Variants in COQ8A observed in about 807,000 individuals in gnomAD.
COQ8A encodes the protein atypical kinase COQ8A, mitochondrial.
COQ8A carries 51 observed loss-of-function variants against 65.0 expected under a neutral mutation model. The observed-to-expected ratio is 0.78, with a 90% CI of 0.63 to 0.99. The LOEUF is 0.99. Ranked by LOEUF, COQ8A falls within the 50% of genes least tolerant of loss-of-function variation. COQ8A has a pLI of 0.00. For missense variants in COQ8A, 940 were observed against 875.0 expected (o/e 1.07, Z -0.94); for synonymous variants, 371 against 353.2 (o/e 1.05, Z -0.57).
intron 1 of COQ8A, among the ~76,000 whole-genome samples, chr1:226,957,080 C>T (rs1301906926): frequency 6.8e-6 from 1 of 147,334 alleles, no homozygotes; most frequent in Non-Finnish European, 1.5e-5. Context: ...TCCCTGGCTG[C>T]CACTCCCTGG....
Position 226,982,750 on chromosome 1 carries a change from T to C in COQ8A, c.926T>C (p.Leu309Pro). 1.9e-6 allele frequency: 3 copies of C among 1,613,656 alleles called. No homozygotes were observed. The highest frequency in any genetic ancestry group is 2.5e-6 in the Non-Finnish European group (3 of 1,180,012). The change falls in exon 7 of 15, where the codon CTG becomes CCG. Residue 309 changes from leucine to proline, a missense_variant. Leu to Pro is a moderately conservative substitution (Grantham distance 98). Transcript: ENST00000366777. ...CGGCAGAGCGCGGACTTCATGCCAC[T>C]GAAGCAGATGATGGTGAGGAGCCAG... ...RVRQSADFMP[L>P]KQMMKTLNND...
chr1:226,985,043 T>C, intron 13 of COQ8A, 102 bp downstream of exon 13: 4 of 1,443,450 alleles, frequency 2.8e-6, no homozygotes, highest in Non-Finnish European at 3.8e-6. Context: ...CCTGCCCTTG[T>C]GTCCCCATCT....
chr1:226,964,837 C>T (rs947537358), intron 2 of COQ8A, among the ~76,000 whole-genome samples, 163 bp from the exon 3 acceptor site: 4 of 152,202 alleles, frequency 2.6e-5, no homozygotes, highest in Non-Finnish European at 5.9e-5. Context: ...TCCCGGCTCC[C>T]AGGCTGGGAA....
rs533054670 is a variant in COQ8A at position 226,954,740 on chromosome 1, A to C, written c.-9-6637A>C. On this transcript the variant is annotated intron_variant, in intron 1 of 14. Transcript: ENST00000366777. ...GCAAATATTAATGACCTGTCTGCTC[A>C]ATCCTGAGCATGGTGTTCGGTGCTG... 5.9e-5 allele frequency among the ~76,000 whole-genome samples: 9 copies of C among 152,354 alleles called. No individual in the cohort carries two copies. The South Asian group carries it at 1.0e-3, about 18-fold the overall frequency.
intron 1 of COQ8A, among the ~76,000 whole-genome samples, chr1:226,956,016 A>G (rs1572029922): frequency 1.2e-5 from 1 of 83,588 alleles, no homozygotes; most frequent in Admixed American, 1.3e-4. Context: ...CCTGGCTCCC[A>G]CTCTCCCTGG....
rs1208399377 is a variant in COQ8A at position 226,972,283 on chromosome 1, GAA to G, written c.656-5165_656-5164del. Among the ~76,000 whole-genome samples the G allele has an allele frequency of 6.6e-6, 1 of 152,076 alleles. No individual in the cohort carries two copies. The highest frequency in any genetic ancestry group is 1.5e-5 in the Non-Finnish European group (1 of 68,020). On this transcript the variant is annotated intron_variant, in intron 4 of 14. Coordinates refer to ENST00000366777, the MANE Select transcript of COQ8A (RefSeq NM_020247.5). The surrounding 1 kb of genome is among the most constrained non-coding windows in gnomAD (Gnocchi z 4.3). ...GGGGAGAGAGGAAAAGGGGAGAGAG[GAA>G]GACAGGAAACAAAAAGTAAAGAAAG...
chr1:226,950,172 T>C (rs1011638753), intron 1 of COQ8A, among the ~76,000 whole-genome samples: 2 of 152,172 alleles, frequency 1.3e-5, no homozygotes, highest in Non-Finnish European at 2.9e-5. Context: ...CTGCCTGTGG[T>C]TGGAGCTCTG....
At chr1:226,958,529 C>G (rs896049600) in intron 1 of COQ8A, among the ~76,000 whole-genome samples, 1 of 152,174 alleles carries the variant, frequency 6.6e-6, no homozygotes, top group East Asian at 1.9e-4. Context: ...GGGCATGCCA[C>G]GCTGCCATGA....
rs1277649730 is a variant in COQ8A at position 226,985,355 on chromosome 1, G to A, written c.1659+15G>A. ...ACGAGGTCAAGGTGAGCAGGGTTGC[G>A]GGGGATCCCCTGGGCCTGCTGACCC... is the stretch of plus-strand genomic sequence containing the variant. On this transcript the variant is annotated intron_variant, in intron 14 of 14. Transcript: ENST00000366777. The A allele has an allele frequency of 1.8e-5, 29 of 1,612,880 alleles. No individual in the cohort carries two copies. Among genetic ancestry groups the A allele is most frequent in the African/African-American group, 2.7e-5 (2 of 75,030 alleles).
chr1:226,943,939 C>T (rs770467510), intron 1 of COQ8A, among the ~76,000 whole-genome samples: 1 of 152,054 alleles, frequency 6.6e-6, no homozygotes, highest in Non-Finnish European at 1.5e-5. Flanking sequence ...AGAGGTCCTG[C>T]CTGGCCTGAG....
intron 5 of COQ8A, among the ~76,000 whole-genome samples, chr1:226,978,846 CTCA>C (rs1295353352): frequency 8.7e-6 from 1 of 114,360 alleles, no homozygotes; most frequent in Non-Finnish European, 2.0e-5. Flanking sequence ...ACACACCCAC[CTCA>C]TACCTGCACA....
chr1:226,970,929 T>C lies in COQ8A; in HGVS notation c.655+5192T>C, dbSNP rs577084705. The stretch of plus-strand genomic sequence containing the variant: ...CTGTTAATCATGAATTCTTTTAGTT[T>C]TTATTTATTTTTTATTGATTTATTT... On this transcript the variant is annotated intron_variant, in intron 4 of 14. Coordinates refer to ENST00000366777, the MANE Select transcript of COQ8A (RefSeq NM_020247.5). Among the ~76,000 whole-genome samples the C allele has an allele frequency of 1.4e-3, 213 of 152,208 alleles. 2 individuals carry two copies. Among genetic ancestry groups the C allele is most frequent in the Non-Finnish European group, 7.1e-4 (48 of 68,012 alleles).
At position 226,984,922 on chromosome 1, in the gene COQ8A, T is replaced by C; in HGVS notation, c.1553T>C (p.Phe518Ser). The change falls in exon 13 of 15, where the codon TTC (phenylalanine) becomes TCC (serine). Residue 518 changes from phenylalanine (F) to serine (S), a missense_variant. Coordinates refer to ENST00000366777, the MANE Select transcript of COQ8A (RefSeq NM_020247.5). ...GCAACGCGGGAATATGACAGATCCT[T>C]CACCGACCTCTACATTCAGGTAACT... ...FGATREYDRS[F>S]TDLYIQIIRA... 1 of 1,613,938 alleles carries C rather than the reference T, an allele frequency of 6.2e-7. No individual in the cohort carries two copies. Among genetic ancestry groups the C allele is most frequent in the Non-Finnish European group, 8.5e-7 (1 of 1,179,954 alleles).
At chr1:226,958,456 G>C (rs1246524386) in intron 1 of COQ8A, among the ~76,000 whole-genome samples, 1 of 152,128 alleles carries the variant, frequency 6.6e-6, no homozygotes, top group Non-Finnish European at 1.5e-5. Context: ...CTCCGATCCT[G>C]GCGTGTCAGC....
At position 226,959,987 on chromosome 1, in the gene COQ8A, T is replaced by C. The variant is rs553227948; in HGVS notation, c.-9-1390T>C. On this transcript the variant is annotated intron_variant, in intron 1 of 14. Transcript: ENST00000366777. ...TTCTGCATCATGTGGTAGTGCTTGG[T>C]GGTGTTGGTGCTTGGTGGTGGTGTT... Among the ~76,000 whole-genome samples the C allele has an allele frequency of 2.0e-5, 3 of 152,050 alleles. No homozygotes were observed. In the East Asian group the frequency reaches 5.8e-4, roughly 29 times the overall value.
intron 4 of COQ8A, 53 bp from the exon 5 acceptor site, chr1:226,977,396 G>T (rs3806263): frequency 1.3e-6 from 2 of 1,524,928 alleles, no homozygotes. Context: ...GTGGGCGAGC[G>T]GGTGGCCCCA....
Position 226,982,079 on chromosome 1 carries a change from G to T in COQ8A, c.783G>T (p.Glu261Asp). 6.2e-7 allele frequency: 1 copy of T among 1,612,754 alleles called. No homozygotes were observed. The highest frequency in any genetic ancestry group is 8.5e-7 in the Non-Finnish European group (1 of 1,179,958). ...SSPFLSEANAERIVRTLCKVR... is the reference protein window; with the variant it reads ...SSPFLSEANADRIVRTLCKVR... ...CTTTCCTGTCCGAGGCCAATGCAGA[G>T]CGGATCGTGCGCACGCTCTGCAAGG... is the stretch of plus-strand genomic sequence containing the variant. The change falls in exon 6 of 15, where the codon GAG (glutamate) becomes GAT (aspartate). Residue 261 changes from glutamate (E) to aspartate (D), a missense_variant. Glu to Asp is a conservative substitution (Grantham distance 45). Transcript: ENST00000366777.
chr1:226,947,574 A>C (rs1572016402), intron 1 of COQ8A, among the ~76,000 whole-genome samples: 1 of 152,142 alleles, frequency 6.6e-6, no homozygotes, highest in African/African-American at 2.4e-5. Flanking sequence ...TGGGAGGCCG[A>C]GGTGGGCAGA....
chr1:226,982,987 C>G lies in COQ8A; in HGVS notation c.1033C>G (p.His345Asp). The G allele has an allele frequency of 6.2e-7, 1 of 1,601,094 alleles. No individual in the cohort carries two copies. Among genetic ancestry groups the G allele is most frequent in the Non-Finnish European group, 8.5e-7 (1 of 1,174,540 alleles). The change falls in exon 8 of 15, where the codon CAC becomes GAC. Residue 345 changes from histidine to aspartate, a missense_variant. Physicochemically the swap from His to Asp is moderately conservative, Grantham distance 81. Coordinates refer to ENST00000366777, the MANE Select transcript of COQ8A (RefSeq NM_020247.5). ...CGCCGCCGCATCCATTGGGCAGGTGCACTTGGCCCGAATGAAGGGCGGCCG... is the reference window on the plus strand; with the variant it reads ...CGCCGCCGCATCCATTGGGCAGGTGGACTTGGCCCGAATGAAGGGCGGCCG... Reference protein sequence around the residue: ...PFAAASIGQVHLARMKGGREV... With the variant: ...PFAAASIGQVDLARMKGGREV...
Sources: allele counts gnomAD v4.1 joint callset (sites outside exome capture counted in the v4.1 genomes callset), GRCh38; gene constraint gnomAD v4.1.1; non-coding constraint Gnocchi (gnomAD v3.1); transcripts MANE v1.5; gene names NCBI Gene and HGNC (gene_info 2026-07-23, HGNC 2026-07-21).